Variants in CALN1 observed in about 807,000 individuals in gnomAD.
CALN1 encodes calneuron 1, also known as calcium-binding protein 8.
In CALN1, 17 loss-of-function variants were observed where a neutral mutation model predicts 30.6. The ratio of observed to expected loss-of-function variants is 0.56; its 90% CI spans 0.38 to 0.83. The LOEUF is 0.83. Among genes scored for constraint, CALN1 ranks in the 40% least tolerant of loss-of-function variants. The probability of loss-of-function intolerance (pLI) is 0.00; values close to 1 mark genes in which losing one functional copy is unlikely to be tolerated. For synonymous variants in CALN1, 156 were observed against 131.4 expected, an observed-to-expected ratio of 1.19 and a Z score of -1.28; for missense variants, 291 against 354.9, an observed-to-expected ratio of 0.82 and a Z score of 1.45.
intron 2 of CALN1, among the ~76,000 whole-genome samples, chr7:72,361,642 A>G (rs553888752): frequency 6.6e-6 from 1 of 152,358 alleles, no homozygotes. Context: ...ACTTGATCGC[A>G]TCACTTACCA....
At chr7:72,011,999 A>G (rs1800109553) in intron 5 of CALN1, among the ~76,000 whole-genome samples, 1 of 152,136 alleles carries the variant, frequency 6.6e-6, no homozygotes, top group African/African-American at 2.4e-5. Flanking sequence ...ATCATACCCT[A>G]TGGGTTAAAC....
chr7:71,958,088 GAAAGAAAAAAAAAGAA>G (rs1304900779), intron 5 of CALN1, among the ~76,000 whole-genome samples: 141 of 125,400 alleles, frequency 1.1e-3, no homozygotes, highest in Admixed American at 3.1e-3. Flanking sequence ...AAAAAAGAAA[GAAAGAAAAAAAAAGAA>G]AAAGAAAAAA....
At chr7:72,325,942 C>G (rs1801246982) in intron 2 of CALN1, among the ~76,000 whole-genome samples, 1 of 152,164 alleles carries the variant, frequency 6.6e-6, no homozygotes, top group African/African-American at 2.4e-5. Flanking sequence ...TGTTCTGTCA[C>G]CCAGGCTGGA....
At chr7:71,926,339 G>C (rs1668525242) in intron 5 of CALN1, among the ~76,000 whole-genome samples, 1 of 152,130 alleles carries the variant, frequency 6.6e-6, no homozygotes, top group Non-Finnish European at 1.5e-5. Context: ...ACTCCAGAAA[G>C]TTACCTATTG....
chr7:71,932,271 G>A (rs908623252), intron 5 of CALN1, among the ~76,000 whole-genome samples: 3 of 152,108 alleles, frequency 2.0e-5, no homozygotes, highest in African/African-American at 4.8e-5. Context: ...CAACTCTTGC[G>A]CTGAAGCGAT....
chr7:71,779,641 TTAA>T lies in CALN1; in HGVS notation c.*8131_*8133del, dbSNP rs1442431515. 30 of 152,304 alleles carry T rather than the reference TTAA, an allele frequency of 2.0e-4. No individual in the cohort carries two copies. Among genetic ancestry groups the T allele is most frequent in the Admixed American group, 3.9e-4 (6 of 15,290 alleles). 9.4% of individuals were successfully genotyped at this position (152,304 alleles called of 1,614,324 possible). On this transcript the variant is annotated 3_prime_UTR_variant, in exon 7 of 7. Coordinates refer to ENST00000395275, the MANE Select transcript of CALN1 (RefSeq NM_031468.4). ...TTCCTTTATACACTAAGATAACATATTAATAATATATACTTCATTTGATCGGTA... is the reference window on the plus strand; with the variant it reads ...TTCCTTTATACACTAAGATAACATATTAATATATACTTCATTTGATCGGTA...
intron 5 of CALN1, among the ~76,000 whole-genome samples, chr7:71,849,656 T>A (rs538998178): frequency 6.6e-6 from 1 of 152,314 alleles, no homozygotes; most frequent in South Asian, 2.1e-4. Flanking sequence ...TAACTTTTTC[T>A]TTTAAAAGGC....
rs555679951 is a variant in CALN1 at position 71,822,278 on chromosome 7, C to T, written c.502-11786G>A. Among the ~76,000 whole-genome samples the T allele has an allele frequency of 1.4e-4, 22 of 152,120 alleles. No individual in the cohort carries two copies. The South Asian group carries it at 1.9e-3, about 13-fold the overall frequency. The stretch of plus-strand genomic sequence containing the variant: ...TTCTGGTTCTTCTGAGATGGCGTTT[C>T]GCTCTTGTTGCCCAGGCTGGAGTGC... On this transcript the variant is annotated intron_variant, in intron 5 of 6. Coordinates refer to ENST00000395275, the MANE Select transcript of CALN1 (RefSeq NM_031468.4).
intron 4 of CALN1, among the ~76,000 whole-genome samples, chr7:72,056,983 T>A (rs771598378): frequency 2.0e-5 from 3 of 152,150 alleles, no homozygotes; most frequent in Non-Finnish European, 2.9e-5. Flanking sequence ...CTCTGTTGCT[T>A]AGGCCGGAGT....
rs1184047697 is a variant in CALN1 at position 72,032,052 on chromosome 7, C to CTTTTTT, written c.389-8289_389-8284dup. Among the ~76,000 whole-genome samples, 13 of 66,580 alleles carry CTTTTTT rather than the reference C, an allele frequency of 2.0e-4. 1 individual carries two copies. The highest frequency in any genetic ancestry group is 2.1e-4 in the Non-Finnish European group (7 of 34,028). 43.7% of individuals were successfully genotyped at this position (66,580 alleles called of 152,430 possible). The stretch of plus-strand genomic sequence containing the variant: ...GTGAGCCACCACACCTGGCTCCTGG[C>CTTTTTT]TTTTTTTTTTTTTTTTTTTTTTTTG... On this transcript the variant is annotated intron_variant, in intron 4 of 6. Transcript: ENST00000395275.
At chr7:72,476,533 T>C in the CALN1 span, among the ~76,000 whole-genome samples, 1 of 152,280 alleles carries the variant, frequency 6.6e-6, no homozygotes, top group African/African-American at 2.4e-5. Context: ...ATGTGAGTCA[T>C]TTCCTGACTG....
At chr7:72,396,863 C>G (rs1312281014) in intron 2 of CALN1, among the ~76,000 whole-genome samples, 1 of 152,162 alleles carries the variant, frequency 6.6e-6, no homozygotes, top group Non-Finnish European at 1.5e-5. Context: ...ATAGGATCAT[C>G]TATCTGTGTC....
intron 3 of CALN1, among the ~76,000 whole-genome samples, chr7:72,185,777 G>T (rs1280925610): frequency 6.6e-6 from 1 of 152,284 alleles, no homozygotes; most frequent in Non-Finnish European, 1.5e-5. Context: ...TTATCAAGGG[G>T]TTCTGCTTTC....
At chr7:72,465,772 A>C in the CALN1 span, among the ~76,000 whole-genome samples, 1 of 152,354 alleles carries the variant, frequency 6.6e-6, no homozygotes, top group South Asian at 2.1e-4. Flanking sequence ...TTGTTAAAAC[A>C]GTTTGGAATG....
At chr7:71,920,321 A>C (rs1794874808) in intron 5 of CALN1, among the ~76,000 whole-genome samples, 2 of 149,744 alleles carry the variant, frequency 1.3e-5, no homozygotes, top group Non-Finnish European at 3.0e-5. Flanking sequence ...GACCTTGGAC[A>C]AATTAGTTCT....
At chr7:72,286,318 C>G (rs1238256517) in intron 2 of CALN1, among the ~76,000 whole-genome samples, 5 of 152,122 alleles carry the variant, frequency 3.3e-5, no homozygotes, top group Admixed American at 1.3e-4. Context: ...TTTCCTCTAG[C>G]TACTCATGGA....
At chr7:72,373,684 T>A (rs1032087239) in intron 2 of CALN1, among the ~76,000 whole-genome samples, 5 of 152,304 alleles carry the variant, frequency 3.3e-5, no homozygotes, top group Middle Eastern at 3.4e-3. Context: ...AACCTAAAGA[T>A]CCTTTCAACT....
intron 2 of CALN1, among the ~76,000 whole-genome samples, chr7:72,365,550 C>T (rs1359933802): frequency 1.3e-5 from 2 of 151,974 alleles, no homozygotes; most frequent in African/African-American, 2.4e-5. Context: ...CTACCTTAAA[C>T]TCCTATGTAG....
chr7:72,478,232 T>A, the CALN1 span, among the ~76,000 whole-genome samples: 1 of 148,628 alleles, frequency 6.7e-6, no homozygotes, highest in Non-Finnish European at 1.5e-5. Context: ...TATGTATTTT[T>A]ATAAATATAT....
Sources: allele counts gnomAD v4.1 joint callset (sites outside exome capture counted in the v4.1 genomes callset), GRCh38; gene constraint gnomAD v4.1.1; transcripts MANE v1.5; gene names NCBI Gene and HGNC (gene_info 2026-07-23, HGNC 2026-07-21).